Variants in MAST4 observed in about 807,000 individuals in gnomAD.
MAST4 encodes microtubule-associated serine/threonine-protein kinase 4.
Under a neutral mutation model 162.7 loss-of-function variants are expected in MAST4, and 89 were observed. That is an observed-to-expected ratio of 0.55 (90% confidence interval 0.46 to 0.65). MAST4 has a LOEUF of 0.65. Among genes scored for constraint, MAST4 ranks in the 30% least tolerant of loss-of-function variants. The pLI is 0.00. For synonymous variants in MAST4, 1,479 were observed against 1,361.1 expected (o/e 1.09, Z -1.91); for missense variants, 3,153 against 3,374.0 (o/e 0.93, Z 1.62).
intron 3 of MAST4, among the ~76,000 whole-genome samples, chr5:66,863,816 A>G (rs2149846098): frequency 6.6e-6 from 1 of 152,176 alleles, no homozygotes; most frequent in East Asian, 1.9e-4. Context: ...AAAGAAGGGC[A>G]CCTGTCAGGT....
At chr5:66,656,242 G>A (rs143806416) in intron 1 of MAST4, among the ~76,000 whole-genome samples, 44 of 152,216 alleles carry the variant, frequency 2.9e-4, no homozygotes, top group African/African-American at 9.6e-4. Context: ...TATTGGTCAG[G>A]GTTAGAGTTT....
chr5:67,090,154 TTC>T lies in MAST4; in HGVS notation c.764-4_764-3del, dbSNP rs1427232213. On this transcript the variant is annotated splice_polypyrimidine_tract_variant and splice_region_variant and intron_variant, in intron 5 of 28. Transcript: ENST00000403625. Reference sequence around the variant, plus strand: ...TGTAGTAAATTTCTCTCTTTTCTCTTTCTCTAGGAAATAGCCCTCAAGATAGT... The same window carrying T: ...TGTAGTAAATTTCTCTCTTTTCTCTTTCTAGGAAATAGCCCTCAAGATAGT... 6.3e-7 allele frequency: 1 copy of T among 1,597,134 alleles called. No homozygotes were observed. The highest frequency in any genetic ancestry group is 1.7e-5 in the Admixed American group (1 of 59,852).
chr5:66,924,985 G>A (rs1439586518), intron 4 of MAST4, among the ~76,000 whole-genome samples: 1 of 152,044 alleles, frequency 6.6e-6, no homozygotes, highest in Non-Finnish European at 1.5e-5. Flanking sequence ...TTTTTTCTGA[G>A]TATTTATATT....
At chr5:67,104,697 GAAAA>G in intron 10 of MAST4, 122 bp downstream of exon 10, 2 of 483,482 alleles carry the variant, frequency 4.1e-6, no homozygotes, top group East Asian at 3.4e-5. Flanking sequence ...AAAAAAGAAG[GAAAA>G]AAAAAAAAAA....
At chr5:67,129,947 C>T (rs1768757541) in intron 14 of MAST4, among the ~76,000 whole-genome samples, 1 of 152,034 alleles carries the variant, frequency 6.6e-6, no homozygotes, top group Admixed American at 6.6e-5. Flanking sequence ...GGGGACTGCT[C>T]ATTTCCTTCC....
chr5:66,720,953 TCG>T (rs982026558), intron 1 of MAST4, among the ~76,000 whole-genome samples: 7 of 152,068 alleles, frequency 4.6e-5, no homozygotes, highest in Non-Finnish European at 8.8e-5. Context: ...CATTTCAGCA[TCG>T]CCACTCCCAC....
chr5:67,137,317 T>C (rs1769787860), intron 19 of MAST4, among the ~76,000 whole-genome samples: 1 of 152,236 alleles, frequency 6.6e-6, no homozygotes, highest in African/African-American at 2.4e-5. Context: ...TTCTTCTCTG[T>C]ATTCTGAATA....
At chr5:66,692,469 C>A (rs950439049) in intron 1 of MAST4, among the ~76,000 whole-genome samples, 7 of 150,582 alleles carry the variant, frequency 4.6e-5, no homozygotes, top group African/African-American at 1.5e-4. Context: ...CTAGACCTAG[C>A]TAGGGGAATA....
Position 66,910,262 on chromosome 5 carries a change from C to A in MAST4, c.674+10280C>A, listed in dbSNP as rs544876990. Among the ~76,000 whole-genome samples, 162 of 152,238 alleles carry A rather than the reference C, an allele frequency of 1.1e-3. 1 individual carries two copies. Among genetic ancestry groups the A allele is most frequent in the African/African-American group, 3.8e-3 (156 of 41,534 alleles). ...GAAGGGGAAACCTGCAGCCACACACCCAGCACTACCAGGATGCTGAGTTTA... is the reference window on the plus strand; with the variant it reads ...GAAGGGGAAACCTGCAGCCACACACACAGCACTACCAGGATGCTGAGTTTA... On this transcript the variant is annotated intron_variant, in intron 4 of 28. Transcript: ENST00000403625.
chr5:66,879,307 C>G (rs1488959151), intron 3 of MAST4, among the ~76,000 whole-genome samples: 1 of 149,594 alleles, frequency 6.7e-6, no homozygotes, highest in Non-Finnish European at 1.5e-5. Context: ...AAAAATTGTA[C>G]TGATATATAT....
intron 1 of MAST4, among the ~76,000 whole-genome samples, chr5:66,722,749 T>A (rs1180049749): frequency 2.6e-5 from 4 of 152,130 alleles, no homozygotes; most frequent in Non-Finnish European, 4.4e-5. Context: ...TCTAACTAGT[T>A]TTCTGGGATT....
chr5:67,096,436 G>A lies in MAST4; in HGVS notation c.912+761G>A, dbSNP rs1764479832. Among the ~76,000 whole-genome samples the A allele has an allele frequency of 2.0e-5, 3 of 152,144 alleles. No homozygotes were observed. In the South Asian group the frequency reaches 6.2e-4, roughly 31 times the overall value. The stretch of plus-strand genomic sequence containing the variant: ...ATTGCAGGTGTTCAATATATGGAGT[G>A]ATCTGGCTCTCTTTGCACCAGCAAG... On this transcript the variant is annotated intron_variant, in intron 7 of 28. Coordinates refer to ENST00000403625, the MANE Select transcript of MAST4 (RefSeq NM_001164664.2).
intron 26 of MAST4, among the ~76,000 whole-genome samples, chr5:67,155,598 G>A (rs997175871): frequency 5.5e-4 from 83 of 152,092 alleles, no homozygotes; most frequent in Admixed American, 3.3e-4. Context: ...AGGAGAAGCC[G>A]TAAAACTTTA....
chr5:66,967,352 C>T (rs970804113), intron 4 of MAST4, among the ~76,000 whole-genome samples: 1 of 152,142 alleles, frequency 6.6e-6, no homozygotes, highest in Non-Finnish European at 1.5e-5. Context: ...CTTCTCCAGG[C>T]CAGGCTTCCT....
chr5:67,057,360 T>C (rs547068176), intron 5 of MAST4, among the ~76,000 whole-genome samples: 2 of 152,244 alleles, frequency 1.3e-5, no homozygotes, highest in South Asian at 2.1e-4. Context: ...TTGCACTTTC[T>C]ACTTTTCTTA....
intron 5 of MAST4, among the ~76,000 whole-genome samples, chr5:67,071,313 G>A (rs1760950045): frequency 1.3e-5 from 2 of 152,196 alleles, no homozygotes; most frequent in Admixed American, 1.3e-4. Flanking sequence ...GCTGACCTCA[G>A]TCATACCTTT....
chr5:67,098,235 A>G (rs903561005), intron 7 of MAST4, among the ~76,000 whole-genome samples: 4 of 152,206 alleles, frequency 2.6e-5, no homozygotes, highest in Admixed American at 6.5e-5. Flanking sequence ...GGAAACTGCA[A>G]AATTGCTAAA....
intron 3 of MAST4, among the ~76,000 whole-genome samples, chr5:66,793,292 C>T (rs1755504319): frequency 6.6e-6 from 1 of 152,216 alleles, no homozygotes; most frequent in Admixed American, 6.5e-5. Context: ...ACATGCTCAG[C>T]CAGTGTCCGC....
At chr5:66,696,446 C>A (rs1364145060) in intron 1 of MAST4, among the ~76,000 whole-genome samples, 1 of 152,080 alleles carries the variant, frequency 6.6e-6, no homozygotes, top group Non-Finnish European at 1.5e-5. Context: ...CTAGTCACAC[C>A]CACTCATTCA....
Sources: allele counts gnomAD v4.1 joint callset (sites outside exome capture counted in the v4.1 genomes callset), GRCh38; gene constraint gnomAD v4.1.1; transcripts MANE v1.5; gene names NCBI Gene and HGNC (gene_info 2026-07-23, HGNC 2026-07-21).